Variants in CNTNAP5 observed in about 807,000 individuals in gnomAD.
CNTNAP5 encodes contactin-associated protein-like 5.
In CNTNAP5, 72 loss-of-function variants were observed where a neutral mutation model predicts 150.2. The ratio of observed to expected loss-of-function variants is 0.48; its 90% CI spans 0.40 to 0.58. CNTNAP5 has a LOEUF of 0.58. Among genes scored for constraint, CNTNAP5 ranks in the 20% least tolerant of loss-of-function variants. The pLI, the probability that CNTNAP5 is intolerant of heterozygous loss-of-function variation, is 0.00. For synonymous variants in CNTNAP5, 672 were observed against 619.8 expected (o/e 1.08, Z -1.25); for missense variants, 1,636 against 1,626.2 (o/e 1.01, Z -0.10).
At chr2:124,591,309 CT>C (rs1696676508) in intron 11 of CNTNAP5, among the ~76,000 whole-genome samples, 2 of 152,096 alleles carry the variant, frequency 1.3e-5, no homozygotes, top group Non-Finnish European at 2.9e-5. Flanking sequence ...TAATTTAGAG[CT>C]TGTGTAAGAT....
intron 2 of CNTNAP5, among the ~76,000 whole-genome samples, chr2:124,240,020 G>A (rs1289607830): frequency 1.3e-5 from 2 of 152,032 alleles, no homozygotes; most frequent in African/African-American, 4.8e-5. Context: ...TCCTGTTGAA[G>A]AATAATTGCA....
intron 1 of CNTNAP5, among the ~76,000 whole-genome samples, chr2:124,131,391 A>T (rs1683839388): frequency 6.6e-6 from 1 of 152,170 alleles, no homozygotes; most frequent in African/African-American, 2.4e-5. Flanking sequence ...CAACAATCTT[A>T]TATCGTAAGT....
chr2:124,727,624 T>A (rs888658131), intron 13 of CNTNAP5, among the ~76,000 whole-genome samples: 1 of 152,058 alleles, frequency 6.6e-6, no homozygotes, highest in Non-Finnish European at 1.5e-5. Flanking sequence ...AATTCATTGT[T>A]CGTATATAGA....
intron 19 of CNTNAP5, among the ~76,000 whole-genome samples, chr2:124,809,090 A>G (rs917276550): frequency 6.6e-5 from 10 of 152,188 alleles, no homozygotes; most frequent in Admixed American, 6.5e-4. Flanking sequence ...CCTCATTGAA[A>G]AAAATACTTT....
At chr2:124,205,208 G>A (rs191244432) in intron 1 of CNTNAP5, among the ~76,000 whole-genome samples, 559 of 152,070 alleles carry the variant, frequency 3.7e-3, no homozygotes, top group Non-Finnish European at 6.8e-3. Flanking sequence ...TCATGGGGGC[G>A]GTTTCCCCCA....
intron 13 of CNTNAP5, among the ~76,000 whole-genome samples, chr2:124,678,372 G>A (rs1230111721): frequency 6.6e-6 from 1 of 151,616 alleles, no homozygotes; most frequent in Admixed American, 6.7e-5. Context: ...GGCATTTCAG[G>A]ACGTTCCTGT....
intron 1 of CNTNAP5, among the ~76,000 whole-genome samples, chr2:124,126,126 G>T: frequency 6.6e-6 from 1 of 152,144 alleles, no homozygotes; most frequent in Non-Finnish European, 1.5e-5. Flanking sequence ...GAATTCAGGA[G>T]CTGGTTTTTT....
chr2:124,622,806 G>A (rs1050999796), intron 12 of CNTNAP5, among the ~76,000 whole-genome samples: 4 of 152,106 alleles, frequency 2.6e-5, no homozygotes, highest in African/African-American at 9.7e-5. Context: ...TTCAAGTTCT[G>A]AAGTTTGCTT....
chr2:124,790,843 T>C (rs943631510), intron 18 of CNTNAP5, among the ~76,000 whole-genome samples: 4 of 152,184 alleles, frequency 2.6e-5, no homozygotes, highest in Non-Finnish European at 4.4e-5. Flanking sequence ...TTAAATTCTC[T>C]AGATAAATTC....
intron 13 of CNTNAP5, among the ~76,000 whole-genome samples, chr2:124,654,953 C>T (rs1248129580): frequency 2.6e-5 from 4 of 151,374 alleles, no homozygotes; most frequent in Admixed American, 2.0e-4. Flanking sequence ...ATTATGCTCC[C>T]TATCATCTTT....
chr2:124,061,518 C>G (rs1682009858), intron 1 of CNTNAP5, among the ~76,000 whole-genome samples: 1 of 152,130 alleles, frequency 6.6e-6, no homozygotes, highest in Non-Finnish European at 1.5e-5. Context: ...TCACTGGCCA[C>G]TTTCCTAAAA....
chr2:124,562,567 A>G lies in CNTNAP5; in HGVS notation c.1650-650A>G, dbSNP rs567839830. Among the ~76,000 whole-genome samples the G allele has an allele frequency of 1.1e-3, 163 of 152,330 alleles. 1 individual carries two copies. Among genetic ancestry groups the G allele is most frequent in the Non-Finnish European group, 2.0e-3 (136 of 68,018 alleles). On this transcript the variant is annotated intron_variant, in intron 10 of 23. Transcript: ENST00000682447. ...CATCTCAGTGTGATTGCTGATTCTAATTATATAAATATTTTATGGAGTTTT... is the reference window on the plus strand; with the variant it reads ...CATCTCAGTGTGATTGCTGATTCTAGTTATATAAATATTTTATGGAGTTTT...
intron 1 of CNTNAP5, among the ~76,000 whole-genome samples, chr2:124,220,687 T>TTGTTGCATCA (rs1229777389): frequency 3.3e-5 from 5 of 152,138 alleles, no homozygotes; most frequent in Non-Finnish European, 7.4e-5. Flanking sequence ...GAGAGCTCTC[T>TTGTTGCATCA]TGTTGCATCA....
At chr2:124,302,533 A>G (rs934474027) in intron 3 of CNTNAP5, among the ~76,000 whole-genome samples, 3 of 152,174 alleles carry the variant, frequency 2.0e-5, no homozygotes, top group African/African-American at 2.4e-5. Flanking sequence ...TGAGAGAGGA[A>G]AAGTACTAAA....
At chr2:124,253,701 A>G (rs1450058070) in intron 3 of CNTNAP5, among the ~76,000 whole-genome samples, 3 of 152,178 alleles carry the variant, frequency 2.0e-5, no homozygotes, top group Admixed American at 6.5e-5. Flanking sequence ...ATAATTGGGC[A>G]CTACTTATCA....
chr2:124,443,469 A>T (rs1352639626), intron 5 of CNTNAP5, among the ~76,000 whole-genome samples: 2 of 152,040 alleles, frequency 1.3e-5, no homozygotes, highest in Non-Finnish European at 2.9e-5. Context: ...AAATAAAGAA[A>T]ATCTATCTTT....
At chr2:124,336,629 G>T (rs1689478542) in intron 3 of CNTNAP5, among the ~76,000 whole-genome samples, 1 of 148,960 alleles carries the variant, frequency 6.7e-6, no homozygotes, top group East Asian at 2.1e-4. Context: ...GCAGTGTTTG[G>T]TTTTTTGTCC....
chr2:124,784,915 T>C (rs1424806952), intron 17 of CNTNAP5, among the ~76,000 whole-genome samples: 1 of 151,986 alleles, frequency 6.6e-6, no homozygotes, highest in Non-Finnish European at 1.5e-5. Context: ...TTCTTTCCCA[T>C]TGACAATTTA....
intron 1 of CNTNAP5, among the ~76,000 whole-genome samples, chr2:124,160,404 G>A (rs1051237196): frequency 2.0e-5 from 3 of 151,892 alleles, no homozygotes; most frequent in South Asian, 2.1e-4. Flanking sequence ...GGAAAGAAAT[G>A]GGATAACATT....
Sources: gnomAD v4.1 joint callset for allele counts (sites outside exome capture counted in the v4.1 genomes callset) on GRCh38, gnomAD v4.1.1 for gene constraint, MANE v1.5 for transcripts, NCBI Gene and HGNC (gene_info 2026-07-23, HGNC 2026-07-21) for gene names.